SRPRB: variants seen among roughly 807,000 people sequenced by gnomAD.
The protein encoded by SRPRB is SRP receptor subunit beta.
In SRPRB, 20 loss-of-function variants were observed where a neutral mutation model predicts 31.9. The observed-to-expected ratio is 0.63, with a 90% CI of 0.44 to 0.91. The LOEUF is 0.91. Ranked by LOEUF, SRPRB falls within the 40% of genes least tolerant of loss-of-function variation. The pLI, the probability that SRPRB is intolerant of heterozygous loss-of-function variation, is 0.00. For missense variants in SRPRB, 321 were observed against 324.9 expected (o/e 0.99, Z 0.09); for synonymous variants, 146 against 132.8 (o/e 1.10, Z -0.68).
downstream of SRPRB, among the ~76,000 whole-genome samples, chr3:133,821,647 G>A (rs1370484412): frequency 6.6e-6 from 1 of 152,198 alleles, no homozygotes; most frequent in Non-Finnish European, 1.5e-5. Flanking sequence ...ATTCTATCTG[G>A]AACACTGGTC....
chr3:133,785,355 T>G (rs1236978730), intron 1 of SRPRB: 12 of 77,012 alleles, frequency 1.6e-4, no homozygotes, highest in African/African-American at 2.8e-4. Context: ...GGTGGGGGGG[T>G]CAGCCCCCCG....
intron 4 of SRPRB, among the ~76,000 whole-genome samples, chr3:133,814,863 C>T (rs559244956): frequency 6.6e-6 from 1 of 152,312 alleles, no homozygotes; most frequent in Admixed American, 6.5e-5. Context: ...GGTCACTGTG[C>T]TTCTAGTTCA....
chr3:133,788,172 A>G (rs1320388855), intron 1 of SRPRB: 1 of 152,320 alleles, frequency 6.6e-6, no homozygotes, highest in Admixed American at 6.5e-5. Context: ...ATGGAAACAC[A>G]TCAGCTATGA....
chr3:133,793,012 G>T (rs1229305500), intron 1 of SRPRB: 2 of 152,158 alleles, frequency 1.3e-5, no homozygotes, highest in African/African-American at 2.4e-5. Flanking sequence ...AGATTGGAAA[G>T]ATATGTCTAC....
At chr3:133,808,939 C>T (rs555102091) in intron 3 of SRPRB, among the ~76,000 whole-genome samples, 2 of 151,616 alleles carry the variant, frequency 1.3e-5, no homozygotes, top group South Asian at 4.2e-4. Context: ...TTTTACATAC[C>T]TCTGTAACTT....
chr3:133,816,989 C>A, intron 6 of SRPRB, 57 bp downstream of exon 6: 2 of 1,352,754 alleles, frequency 1.5e-6, no homozygotes, highest in Non-Finnish European at 2.1e-6. Flanking sequence ...AGACTGTAAG[C>A]AGCATATTCA....
In SRPRB at chr3:133,819,535, T is replaced by C; in HGVS notation, c.603-18T>C. 2 of 1,601,360 alleles carry C rather than the reference T, an allele frequency of 1.2e-6. No homozygotes were observed. The highest frequency in any genetic ancestry group is 1.3e-5 in the African/African-American group (1 of 74,844). ...TATAAAAATTTTGCCTCCTGACTTC[T>C]TTCCTTTTGCCCCACAGCAACACCT... On this transcript the variant is annotated intron_variant, in intron 6 of 6. Coordinates refer to ENST00000678299, the MANE Select transcript of SRPRB (RefSeq NM_001379313.1).
chr3:133,812,707 C>A (rs1339100113), intron 4 of SRPRB, among the ~76,000 whole-genome samples: 1 of 152,170 alleles, frequency 6.6e-6, no homozygotes, highest in African/African-American at 2.4e-5. Context: ...TTAAACATTG[C>A]CTATTTGATT....
chr3:133,795,185 A>G (rs1403431059), intron 1 of SRPRB: 3 of 152,250 alleles, frequency 2.0e-5, no homozygotes, highest in Admixed American at 2.0e-4. Context: ...GAGACTGCTT[A>G]GTTAAGTGAG....
chr3:133,825,068 T>A (rs981497367), downstream of SRPRB: 5 of 152,056 alleles, frequency 3.3e-5, no homozygotes, highest in African/African-American at 1.2e-4. Flanking sequence ...CGGAAACGAG[T>A]GTGCGCACAA....
At chr3:133,812,958 G>A (rs1298491409) in intron 4 of SRPRB, among the ~76,000 whole-genome samples, 1 of 152,258 alleles carries the variant, frequency 6.6e-6, no homozygotes, top group East Asian at 1.9e-4. Context: ...TTTTAGAAGT[G>A]TTTCCAGAGA....
At chr3:133,788,286 G>A (rs1218625887) in intron 1 of SRPRB, 1 of 152,170 alleles carries the variant, frequency 6.6e-6, no homozygotes, top group Admixed American at 6.5e-5. Context: ...TGTATACTAA[G>A]TAAATGACTT....
chr3:133,798,116 G>A (rs1389275071), intron 1 of SRPRB, among the ~76,000 whole-genome samples: 1 of 152,218 alleles, frequency 6.6e-6, no homozygotes, highest in Non-Finnish European at 1.5e-5. Context: ...ATGATTAAAA[G>A]TAGAGCTAGC....
downstream of SRPRB, chr3:133,828,039 C>T (rs1311409893): frequency 2.9e-6 from 2 of 701,532 alleles, no homozygotes; most frequent in Non-Finnish European, 2.6e-6. Context: ...ACAGAGAACA[C>T]AAGGTTGCCT....
intron 1 of SRPRB, among the ~76,000 whole-genome samples, chr3:133,806,300 G>C (rs552169002): frequency 1.3e-5 from 2 of 152,308 alleles, no homozygotes; most frequent in Admixed American, 6.5e-5. Flanking sequence ...TGTTCTCACT[G>C]CAAAGACTCA....
chr3:133,812,362 C>T (rs957174721), intron 4 of SRPRB, among the ~76,000 whole-genome samples: 5 of 152,162 alleles, frequency 3.3e-5, no homozygotes, highest in African/African-American at 1.2e-4. Context: ...AAATCTAGAG[C>T]TGGTAAATTT....
intron 1 of SRPRB, among the ~76,000 whole-genome samples, chr3:133,806,264 T>G (rs1298252152): frequency 6.6e-6 from 1 of 152,214 alleles, no homozygotes; most frequent in Non-Finnish European, 1.5e-5. Context: ...CTGTTACGCT[T>G]GAGCGCGCTG....
At chr3:133,819,102 T>G (rs929394366) in intron 6 of SRPRB, among the ~76,000 whole-genome samples, 1 of 152,146 alleles carries the variant, frequency 6.6e-6, no homozygotes. Context: ...TAGTTAGATA[T>G]GAGAATCTGG....
chr3:133,811,234 G>A (rs1314040927), intron 4 of SRPRB, 35 bp downstream of exon 4: 2 of 1,600,330 alleles, frequency 1.2e-6, no homozygotes, highest in Non-Finnish European at 8.6e-7. Context: ...GCTTGTCTAG[G>A]TCTGTATCTG....
Sources: allele counts gnomAD v4.1 joint callset (sites outside exome capture counted in the v4.1 genomes callset), GRCh38; gene constraint gnomAD v4.1.1; transcripts MANE v1.5; gene names NCBI Gene and HGNC (gene_info 2026-07-23, HGNC 2026-07-21).